RAB24: variants seen among roughly 807,000 people sequenced by gnomAD.
The protein encoded by RAB24 is RAB24, member RAS oncogene family, also known as ras-related protein Rab-24.
Under a neutral mutation model 31.4 loss-of-function variants are expected in RAB24, and 9 were observed. That is an observed-to-expected ratio of 0.29 (90% confidence interval 0.17 to 0.50). RAB24 has a LOEUF of 0.50. Ranked by LOEUF, RAB24 falls within the 20% of genes least tolerant of loss-of-function variation. The pLI, the probability that RAB24 is intolerant of heterozygous loss-of-function variation, is 0.98. For missense variants in RAB24, 197 were observed against 265.2 expected (o/e 0.74, Z 1.79); for synonymous variants, 106 against 94.1 (o/e 1.13, Z -0.73).
At chr5:177,302,924 T>C in intron 2 of RAB24, 85 bp downstream of exon 2, 1 of 1,591,098 alleles carries the variant, frequency 6.3e-7, no homozygotes, top group Non-Finnish European at 8.6e-7. Flanking sequence ...AATGGGTCTG[T>C]GAGGCCACAA....
chr5:177,303,307 G>C lies in RAB24; in HGVS notation c.-19C>G, dbSNP rs375728623. On this transcript the variant is annotated 5_prime_UTR_variant, in exon 1 of 8. Transcript: ENST00000303251. The surrounding 1 kb of genome is among the most constrained non-coding windows in gnomAD (Gnocchi z 6.1). ...CGCTCATGCTCCCGGGGCCGCTTCA[G>C]CCACGTCAGGGTCCTGAGCGGGGAC... 1.2e-6 allele frequency: 2 copies of C among 1,611,604 alleles called. No individual in the cohort carries two copies. The highest frequency in any genetic ancestry group is 2.7e-5 in the African/African-American group (2 of 74,900).
At position 177,302,747 on chromosome 5, in the gene RAB24, C is replaced by G. The variant is rs777569826; in HGVS notation, c.265+5G>C. The G allele has an allele frequency of 1.9e-5, 18 of 945,386 alleles. No homozygotes were observed. Among genetic ancestry groups the G allele is most frequent in the Non-Finnish European group, 2.8e-5 (17 of 617,982 alleles). The allele number at this position is 945,386 out of a possible 1,614,324, so 58.6% of individuals were successfully genotyped here. On this transcript the variant is annotated splice_donor_5th_base_variant and intron_variant, in intron 3 of 7. Transcript: ENST00000303251. ...TGAGACAGCCCAAACCCCCCCCCCC[C>G]TTACCATAGCAGACGATGGCAGCCT...
chr5:177,302,749 T>G lies in RAB24; in HGVS notation c.265+3A>C. On this transcript the variant is annotated splice_donor_region_variant and intron_variant, in intron 3 of 7. Transcript: ENST00000303251. ...AGACAGCCCAAACCCCCCCCCCCCT[T>G]ACCATAGCAGACGATGGCAGCCTTG... The G allele has an allele frequency of 1.4e-5, 9 of 639,764 alleles. No homozygotes were observed. The highest frequency in any genetic ancestry group is 2.5e-5 in the Non-Finnish European group (9 of 364,086). The allele number at this position is 639,764 out of a possible 1,614,324, so 39.6% of individuals were successfully genotyped here.
At chr5:177,302,014 G>A in intron 6 of RAB24, 27 bp from the exon 7 acceptor site, 1 of 1,613,470 alleles carries the variant, frequency 6.2e-7, no homozygotes, top group Non-Finnish European at 8.5e-7. Flanking sequence ...TGATCAGCGA[G>A]GGCCCAATGC....
Position 177,302,436 on chromosome 5 carries a change from G to A in RAB24, c.394C>T (p.Arg132Ter). The change falls in exon 5 of 8, where the codon CGA becomes TGA. Residue 132 changes from arginine (R) to a stop codon, truncating the protein, a stop_gained. Coordinates refer to ENST00000303251, the MANE Select transcript of RAB24 (RefSeq NM_001031677.4). LOFTEE classifies it high-confidence loss of function. ...SDLLEEDRRRRRVDFHDVQDY... is the reference protein window; with the variant it reads ...SDLLEEDRRR ...TGGACGTCGTGGAAGTCCACACGTC[G>A]ACGCCTCCGGTCTTCTTCCAGCAGG... 1 of 1,613,592 alleles carries A rather than the reference G, an allele frequency of 6.2e-7. No homozygotes were observed. Among genetic ancestry groups the A allele is most frequent in the Non-Finnish European group, 8.5e-7 (1 of 1,180,028 alleles).
chr5:177,303,705 G>T lies in RAB24; in HGVS notation c.-417C>A, dbSNP rs972252938. ...CTACCCGCAGCGCCGCGACTCCCGC[G>T]GGAGGGGGCTAGAGGGCGAGGGGGC... On this transcript the variant is annotated 5_prime_UTR_variant, in exon 1 of 8. Coordinates refer to ENST00000303251, the MANE Select transcript of RAB24 (RefSeq NM_001031677.4). The surrounding 1 kb of genome is among the most constrained non-coding windows in gnomAD (Gnocchi z 6.1). The T allele has an allele frequency of 5.5e-6, 2 of 365,678 alleles. No homozygotes were observed. Among genetic ancestry groups the T allele is most frequent in the Non-Finnish European group, 4.9e-6 (1 of 204,454 alleles). 22.7% of individuals were successfully genotyped at this position (365,678 alleles called of 1,614,324 possible). A position where few individuals can be genotyped will look rare whatever the true frequency, so the allele number is the denominator to read the frequency against.
chr5:177,302,290 A>G, intron 5 of RAB24, 107 bp downstream of exon 5: 8 of 1,545,588 alleles, frequency 5.2e-6, no homozygotes, highest in Non-Finnish European at 6.3e-6. Flanking sequence ...GAGGCCAGGA[A>G]GACCTCCTAG....
rs760414518 is a variant in RAB24, at chr5:177,302,738, C to A, written c.265+14G>T. On this transcript the variant is annotated intron_variant, in intron 3 of 7. Transcript: ENST00000303251. ...CTTTTCTTGTGAGACAGCCCAAACC[C>A]CCCCCCCCCTTACCATAGCAGACGA... 2.2e-5 allele frequency: 26 copies of A among 1,159,978 alleles called. 1 individual carries two copies. The highest frequency in any genetic ancestry group is 2.3e-4 in the Middle Eastern group (1 of 4,420). 71.9% of individuals were successfully genotyped at this position (1,159,978 alleles called of 1,614,324 possible). A position where few individuals can be genotyped will look rare whatever the true frequency, so the allele number is the denominator to read the frequency against.
Position 177,301,334 on chromosome 5 carries a change from C to T in RAB24, c.*409G>A. 1 of 197,678 alleles carries T rather than the reference C, an allele frequency of 5.1e-6. No individual in the cohort carries two copies. The highest frequency in any genetic ancestry group is 5.3e-5 in the Admixed American group (1 of 18,932). The allele number at this position is 197,678 out of a possible 1,614,324, so 12.2% of individuals were successfully genotyped here. On this transcript the variant is annotated 3_prime_UTR_variant, in exon 8 of 8. Transcript: ENST00000303251. ...ACCATGGGGAAAAAAGTCTTGTTTT[C>T]CAAAGGAAAATGAGAGTTGGGAGGA...
Position 177,302,121 on chromosome 5 carries a change from C to T in RAB24, c.484+7G>A. ...TTCCTGCTGTGAGGCTCCAGCACAGCACTCACCCACACTCTGGCCTGTCTT... is the reference window on the plus strand; with the variant it reads ...TTCCTGCTGTGAGGCTCCAGCACAGTACTCACCCACACTCTGGCCTGTCTT... On this transcript the variant is annotated splice_region_variant and intron_variant, in intron 6 of 7. Transcript: ENST00000303251. 6.2e-7 allele frequency: 1 copy of T among 1,614,162 alleles called. No homozygotes were observed. Among genetic ancestry groups the T allele is most frequent in the Non-Finnish European group, 8.5e-7 (1 of 1,179,966 alleles).
Position 177,302,700 on chromosome 5 carries a change from G to C in RAB24, c.265+52C>G, listed in dbSNP as rs561094783. 8.1e-5 allele frequency: 131 copies of C among 1,612,282 alleles called. 1 individual carries two copies. The South Asian group carries it at 1.4e-3, about 17-fold the overall frequency. ...GTGGTCAAGGGCTGTTCTCTGGCTA[G>C]CCTGGCACCCATCTTTTCTTGTGAG... On this transcript the variant is annotated intron_variant, in intron 3 of 7. Coordinates refer to ENST00000303251, the MANE Select transcript of RAB24 (RefSeq NM_001031677.4).
intron 7 of RAB24, 54 bp from the exon 8 acceptor site, chr5:177,301,861 C>A: frequency 1.2e-6 from 2 of 1,613,048 alleles, no homozygotes; most frequent in Non-Finnish European, 1.7e-6. Flanking sequence ...TCAGGTAACT[C>A]AGGAAAGGGG....
Position 177,301,663 on chromosome 5 carries a change from A to C in RAB24, c.*80T>G. 1 of 1,519,180 alleles carries C rather than the reference A, an allele frequency of 6.6e-7. No homozygotes were observed. The highest frequency in any genetic ancestry group is 9.1e-7 in the Non-Finnish European group (1 of 1,096,286). The allele number at this position is 1,519,180 out of a possible 1,614,324, so 94.1% of individuals were successfully genotyped here. On this transcript the variant is annotated 3_prime_UTR_variant, in exon 8 of 8. Coordinates refer to ENST00000303251, the MANE Select transcript of RAB24 (RefSeq NM_001031677.4). Reference sequence around the variant, plus strand: ...GGACCTGGGGTAGCTCAGACATTTGACTACCCAAGCCCAGAAAGGAGCTGG... The same window carrying C: ...GGACCTGGGGTAGCTCAGACATTTGCCTACCCAAGCCCAGAAAGGAGCTGG...
rs759787677 is a variant in RAB24 at position 177,301,738 on chromosome 5, C to G, written c.*5G>C. The G allele has an allele frequency of 6.2e-7, 1 of 1,614,008 alleles. No individual in the cohort carries two copies. The highest frequency in any genetic ancestry group is 1.3e-5 in the African/African-American group (1 of 74,926). The stretch of plus-strand genomic sequence containing the variant: ...TTAATTCCCCCAGGCCAGGTGAGTG[C>G]TGACTCAGTGATGACAACAGCTGTA... On this transcript the variant is annotated 3_prime_UTR_variant, in exon 8 of 8. Coordinates refer to ENST00000303251, the MANE Select transcript of RAB24 (RefSeq NM_001031677.4).
chr5:177,301,646 G>C lies in RAB24; in HGVS notation c.*97C>G, dbSNP rs1459268884. The stretch of plus-strand genomic sequence containing the variant: ...CCACTCTGCTGACATGAGGACCTGG[G>C]GTAGCTCAGACATTTGACTACCCAA... On this transcript the variant is annotated 3_prime_UTR_variant, in exon 8 of 8. Transcript: ENST00000303251. 11 of 1,387,552 alleles carry C rather than the reference G, an allele frequency of 7.9e-6. No homozygotes were observed. In the East Asian group the frequency reaches 1.4e-4, roughly 17 times the overall value. The allele number at this position is 1,387,552 out of a possible 1,614,324, so 86.0% of individuals were successfully genotyped here. A position where few individuals can be genotyped will look rare whatever the true frequency, so the allele number is the denominator to read the frequency against.
chr5:177,301,821 A>G lies in RAB24; in HGVS notation c.548-14T>C. 1 of 1,614,122 alleles carries G rather than the reference A, an allele frequency of 6.2e-7. No individual in the cohort carries two copies. The highest frequency in any genetic ancestry group is 1.1e-5 in the South Asian group (1 of 91,076). On this transcript the variant is annotated splice_polypyrimidine_tract_variant and intron_variant, in intron 7 of 7. Coordinates refer to ENST00000303251, the MANE Select transcript of RAB24 (RefSeq NM_001031677.4). ...CGCCCTTGTCCTCTGTCAAAAAGAG[A>G]GGTGGCAGCTCAGCACCATTCTGTT...
rs772071734 is a variant in RAB24 at position 177,302,775 on chromosome 5, G to A, written c.242C>T (p.Ala81Val). 2 of 1,593,960 alleles carry A rather than the reference G, an allele frequency of 1.3e-6. No homozygotes were observed. The highest frequency in any genetic ancestry group is 2.3e-5 in the East Asian group (1 of 44,416). ...ACCATAGCAGACGATGGCAGCCTTG[G>A]CACCCCGATAGTAGATTCTACTCAT... ...EAMSRIYYRG[A>V]KAAIVCYDLT... Residue 81 changes from alanine to valine, a missense_variant, in exon 3 of 8, where the codon GCC (alanine) becomes GTC (valine). By Grantham distance (64) the Ala-to-Val change is moderately conservative. Around this residue, in one of 2 missense-constraint regions of RAB24, gnomAD observed 148 missense variants for 159.7 expected, o/e 0.93. Coordinates refer to ENST00000303251, the MANE Select transcript of RAB24 (RefSeq NM_001031677.4).
chr5:177,302,778 C>T lies in RAB24; in HGVS notation c.239G>A (p.Gly80Asp), dbSNP rs768384119. The T allele has an allele frequency of 1.9e-6, 3 of 1,611,790 alleles. No individual in the cohort carries two copies. In the Admixed American group the frequency reaches 5.0e-5, roughly 27 times the overall value. ...ATAGCAGACGATGGCAGCCTTGGCACCCCGATAGTAGATTCTACTCATGGC... is the reference window on the plus strand; with the variant it reads ...ATAGCAGACGATGGCAGCCTTGGCATCCCGATAGTAGATTCTACTCATGGC... ...YEAMSRIYYR[G>D]AKAAIVCYDL... Residue 80 changes from glycine (G) to aspartate (D), a missense_variant, in exon 3 of 8, where the codon GGT (glycine) becomes GAT (aspartate). Physicochemically the swap from Gly to Asp is moderately conservative, Grantham distance 94. Transcript: ENST00000303251.
Position 177,301,956 on chromosome 5 carries a change from G to T in RAB24, c.516C>A (p.Tyr172Ter). 2 of 1,614,218 alleles carry T rather than the reference G, an allele frequency of 1.2e-6. No individual in the cohort carries two copies. Among genetic ancestry groups the T allele is most frequent in the Non-Finnish European group, 1.7e-6 (2 of 1,180,036 alleles). The change falls in exon 7 of 8, where the codon TAC (tyrosine) becomes TAA (stop). Residue 172 changes from tyrosine to a stop codon, truncating the protein, a stop_gained. Transcript: ENST00000303251. LOFTEE classifies it high-confidence loss of function. Reference sequence around the variant, plus strand: ...TCACCTGGAAGGCAGCCACACTGACGTAATCCTCTGCCACTTTCTGGAAGA... The same window carrying T: ...TCACCTGGAAGGCAGCCACACTGACTTAATCCTCTGCCACTTTCTGGAAGA... Reference protein sequence around the residue: ...DELFQKVAEDYVSVAAFQVMT... With the variant: ...DELFQKVAED
Sources: allele counts gnomAD v4.1 joint callset, GRCh38; gene constraint gnomAD v4.1.1; regional missense constraint gnomAD v4.1.1; non-coding constraint Gnocchi (gnomAD v3.1); transcripts MANE v1.5; gene names NCBI Gene and HGNC (gene_info 2026-07-23, HGNC 2026-07-21).